MAGI1: variants seen among roughly 807,000 people sequenced by gnomAD.
MAGI1 encodes the protein membrane-associated guanylate kinase, WW and PDZ domain-containing protein 1.
MAGI1 carries 58 observed loss-of-function variants against 139.9 expected under a neutral mutation model. The ratio of observed to expected loss-of-function variants is 0.41; its 90% confidence interval spans 0.34 to 0.52. The LOEUF is 0.52. Ranked by LOEUF, MAGI1 falls within the 20% of genes least tolerant of loss-of-function variation. The probability of loss-of-function intolerance (pLI) is 0.12; values close to 1 mark genes in which losing one functional copy is unlikely to be tolerated. For synonymous variants in MAGI1, 812 were observed against 737.9 expected (o/e 1.10, Z -1.63); for missense variants, 1,874 against 1,901.6 (o/e 0.99, Z 0.27).
At chr3:65,449,050 A>G (rs1304875180) in intron 6 of MAGI1, among the ~76,000 whole-genome samples, 2 of 147,264 alleles carry the variant, frequency 1.4e-5, no homozygotes, top group Non-Finnish European at 3.0e-5. Context: ...GAATGAATGA[A>G]TGAACCAATC....
At chr3:65,999,044 G>A (rs1203555197) in intron 1 of MAGI1, among the ~76,000 whole-genome samples, 2 of 151,986 alleles carry the variant, frequency 1.3e-5, no homozygotes, top group African/African-American at 4.8e-5. Context: ...CAAGGTAAGG[G>A]CTATAAAAGA....
chr3:65,537,768 T>A (rs1431600504), intron 2 of MAGI1, among the ~76,000 whole-genome samples: 1 of 152,194 alleles, frequency 6.6e-6, no homozygotes, highest in African/African-American at 2.4e-5. Context: ...GATCTCATGC[T>A]GTTCCCCAAC....
chr3:65,862,864 C>CA (rs1280836157), intron 1 of MAGI1, among the ~76,000 whole-genome samples: 11 of 152,326 alleles, frequency 7.2e-5, no homozygotes, highest in Admixed American at 2.6e-4. Flanking sequence ...GATTAAGTCA[C>CA]AGAGGTTCTG....
At chr3:65,976,332 A>G (rs1429959737) in intron 1 of MAGI1, among the ~76,000 whole-genome samples, 1 of 152,216 alleles carries the variant, frequency 6.6e-6, no homozygotes, top group East Asian at 1.9e-4. Context: ...AAATTTATTT[A>G]AAAGATCTTT....
At chr3:65,732,548 T>C (rs1277045821) in intron 1 of MAGI1, among the ~76,000 whole-genome samples, 2 of 152,122 alleles carry the variant, frequency 1.3e-5, no homozygotes, top group Non-Finnish European at 2.9e-5. Context: ...ATTACAACAG[T>C]AAAGAAGAAA....
chr3:65,611,175 T>G (rs1330361225), intron 2 of MAGI1, among the ~76,000 whole-genome samples: 1 of 141,352 alleles, frequency 7.1e-6, no homozygotes. Context: ...ATCTATGCTG[T>G]ATATACACAT....
At chr3:65,573,358 G>A (rs2081041408) in intron 2 of MAGI1, among the ~76,000 whole-genome samples, 2 of 151,918 alleles carry the variant, frequency 1.3e-5, no homozygotes, top group African/African-American at 2.4e-5. Context: ...TACATCATGA[G>A]CAAATAGGGA....
intron 1 of MAGI1, among the ~76,000 whole-genome samples, chr3:65,678,429 G>T (rs2107500796): frequency 6.6e-6 from 1 of 152,160 alleles, no homozygotes. Flanking sequence ...TATCTACTCT[G>T]CAAACCAAGA....
At chr3:65,868,792 T>C (rs903933244) in intron 1 of MAGI1, among the ~76,000 whole-genome samples, 12 of 152,182 alleles carry the variant, frequency 7.9e-5, no homozygotes, top group Admixed American at 6.5e-4. Context: ...TGTAGCTAGA[T>C]TCTAAGACAA....
chr3:65,798,919 T>C (rs1288305390), intron 1 of MAGI1, among the ~76,000 whole-genome samples: 5 of 152,162 alleles, frequency 3.3e-5, no homozygotes, highest in Non-Finnish European at 7.3e-5. Flanking sequence ...TCACCACCCA[T>C]TAATCACATA....
At chr3:65,721,581 A>T (rs1351928498) in intron 1 of MAGI1, among the ~76,000 whole-genome samples, 1 of 152,066 alleles carries the variant, frequency 6.6e-6, no homozygotes, top group Non-Finnish European at 1.5e-5. Context: ...TTAAGCACTG[A>T]CTCCTTCCTG....
intron 2 of MAGI1, among the ~76,000 whole-genome samples, chr3:65,610,564 T>A (rs2082995302): frequency 6.6e-6 from 1 of 151,586 alleles, no homozygotes; most frequent in African/African-American, 2.4e-5. Flanking sequence ...AACTTGAGAC[T>A]GTGTAAAGCC....
chr3:65,822,160 A>G (rs2041983348), intron 1 of MAGI1, among the ~76,000 whole-genome samples: 1 of 152,238 alleles, frequency 6.6e-6, no homozygotes. Flanking sequence ...CCAGGAAGAA[A>G]GAGAGATGAG....
At chr3:65,594,081 C>T (rs554480688) in intron 2 of MAGI1, among the ~76,000 whole-genome samples, 17 of 152,078 alleles carry the variant, frequency 1.1e-4, no homozygotes, top group Non-Finnish European at 2.2e-4. Context: ...AATCTGGCCA[C>T]CTATCAAAAC....
intron 1 of MAGI1, among the ~76,000 whole-genome samples, chr3:65,628,422 G>A (rs2084101264): frequency 1.3e-5 from 2 of 152,124 alleles, no homozygotes; most frequent in South Asian, 4.2e-4. Context: ...TCGGGTGTAA[G>A]TTTCCAAGTG....
intron 18 of MAGI1, among the ~76,000 whole-genome samples, chr3:65,368,729 C>A (rs189593066): frequency 6.6e-6 from 1 of 152,336 alleles, no homozygotes; most frequent in East Asian, 1.9e-4. Context: ...GGACTTTTTA[C>A]TATTCTAATG....
chr3:65,549,412 GGGCCCCGGAGC>G (rs967742188), intron 2 of MAGI1: 90 of 984,876 alleles, frequency 9.1e-5, no homozygotes, highest in Non-Finnish European at 1.1e-4. Context: ...CGTTACCTGC[GGGCCCCGGAGC>G]GGCCCCGGAG....
intron 1 of MAGI1, among the ~76,000 whole-genome samples, chr3:65,718,231 C>T (rs2032517616): frequency 6.6e-6 from 1 of 152,014 alleles, no homozygotes; most frequent in Non-Finnish European, 1.5e-5. Context: ...CATGACCGGG[C>T]ATTCTAACAG....
rs543592717 is a variant in MAGI1, at chr3:65,618,444, T to C, written c.430+3528A>G. Among the ~76,000 whole-genome samples, 8 of 152,308 alleles carry C rather than the reference T, an allele frequency of 5.3e-5. No homozygotes were observed. In the South Asian group the frequency reaches 1.4e-3, roughly 28 times the overall value. On this transcript the variant is annotated intron_variant, in intron 2 of 22. Transcript: ENST00000402939. ...AAAATTATATTGTACAACCAGTGAA[T>C]TACTTGAACATCAGAGAGAATATAC...
Sources: gnomAD v4.1 joint callset for allele counts (sites outside exome capture counted in the v4.1 genomes callset) on GRCh38, gnomAD v4.1.1 for gene constraint, MANE v1.5 for transcripts, NCBI Gene and HGNC (gene_info 2026-07-23, HGNC 2026-07-21) for gene names.